IFITM10: variants seen among roughly 807,000 people sequenced by gnomAD.
IFITM10 encodes the protein interferon-induced transmembrane protein 10.
IFITM10 carries 17 observed loss-of-function variants against 19.0 expected under a neutral mutation model. The ratio of observed to expected loss-of-function variants is 0.90; its 90% confidence interval spans 0.61 to 1.34. IFITM10 has a LOEUF of 1.34. IFITM10 is among the 40% of genes most tolerant of loss of function. IFITM10 has a pLI of 0.00. For missense variants in IFITM10, 306 were observed against 319.8 expected (o/e 0.96, Z 0.33); for synonymous variants, 148 against 147.2 (o/e 1.01, Z -0.04).
At chr11:1,740,560 G>C (rs955369980) in intron 2 of IFITM10, among the ~76,000 whole-genome samples, 4 of 152,126 alleles carry the variant, frequency 2.6e-5, no homozygotes, top group Non-Finnish European at 1.5e-5. Flanking sequence ...GGGAGTTGTA[G>C]AAGGCTGCAA....
intron 1 of IFITM10, among the ~76,000 whole-genome samples, chr11:1,749,984 A>G (rs1845698854): frequency 6.6e-6 from 1 of 151,986 alleles, no homozygotes; most frequent in Non-Finnish European, 1.5e-5. Flanking sequence ...CGCAGGGCAA[A>G]GTGTCCCGTT....
rs1162598472 is a variant in IFITM10, at chr11:1,747,842, GCGCCGGCAGCC to G, written c.351_361del (p.Ala119ProfsTer66). 6.5e-7 allele frequency: 1 copy of G among 1,545,320 alleles called. No homozygotes were observed. Among genetic ancestry groups the G allele is most frequent in the Non-Finnish European group, 8.7e-7 (1 of 1,143,306 alleles). On this transcript the variant is annotated frameshift_variant, in exon 2 of 3. Transcript: ENST00000340134. LOFTEE classifies it high-confidence loss of function. ...GGCTAGGTGCTTGCAGGCAGGGGGC[GCGCCGGCAGCC>G]CGCACGCTGTCGGTCTTGCTGCTCT...
intron 2 of IFITM10, chr11:1,745,042 C>T (rs531036022): frequency 6.5e-6 from 1 of 152,824 alleles, no homozygotes; most frequent in African/African-American, 2.4e-5. Context: ...CCCAAAGCCT[C>T]TCTGCCCTGG....
chr11:1,739,321 G>A (rs1320837656), intron 2 of IFITM10, among the ~76,000 whole-genome samples: 1 of 152,162 alleles, frequency 6.6e-6, no homozygotes, highest in Non-Finnish European at 1.5e-5. Context: ...AAGATTGGTG[G>A]ATAAGAGAAA....
At chr11:1,740,049 C>G (rs1851129033) in intron 2 of IFITM10, among the ~76,000 whole-genome samples, 1 of 152,074 alleles carries the variant, frequency 6.6e-6, no homozygotes, top group South Asian at 2.1e-4. Context: ...CGCCTGTAAT[C>G]CCAGCACTTT....
intron 2 of IFITM10, among the ~76,000 whole-genome samples, chr11:1,740,514 T>A (rs1022268214): frequency 6.6e-6 from 1 of 151,972 alleles, no homozygotes; most frequent in Non-Finnish European, 1.5e-5. Flanking sequence ...GAACTTGACA[T>A]GATCTCAAGG....
chr11:1,737,859 TA>T (rs199609504), intron 2 of IFITM10, among the ~76,000 whole-genome samples: 1 of 152,210 alleles, frequency 6.6e-6, no homozygotes, highest in Non-Finnish European at 1.5e-5. Flanking sequence ...TCTGAATTCC[TA>T]AAAAAACTTT....
In IFITM10 at chr11:1,736,119, T is replaced by C. The variant is rs545699016; in HGVS notation, c.538-690A>G. Among the ~76,000 whole-genome samples, 6 of 152,274 alleles carry C rather than the reference T, an allele frequency of 3.9e-5. No individual in the cohort carries two copies. The East Asian group carries it at 1.2e-3, about 29-fold the overall frequency. On this transcript the variant is annotated intron_variant, in intron 2 of 2. Transcript: ENST00000340134. Reference sequence around the variant, plus strand: ...TTTCCTTCTATCACATCCACAAATATGTGCGTGTTTGCTGTAAGAAGAAAC... The same window carrying C: ...TTTCCTTCTATCACATCCACAAATACGTGCGTGTTTGCTGTAAGAAGAAAC...
intron 2 of IFITM10, among the ~76,000 whole-genome samples, chr11:1,742,813 G>A (rs141225352): frequency 1.3e-5 from 2 of 152,266 alleles, no homozygotes; most frequent in Admixed American, 6.5e-5. Flanking sequence ...GCTATTTGGA[G>A]GGGTTGAAGG....
At chr11:1,741,664 G>A (rs1212569395) in intron 2 of IFITM10, among the ~76,000 whole-genome samples, 2 of 152,148 alleles carry the variant, frequency 1.3e-5, no homozygotes, top group East Asian at 3.9e-4. Context: ...AGAGGAACTG[G>A]CTCTGGCTAT....
At chr11:1,747,206 G>A (rs1046508803) in intron 2 of IFITM10, among the ~76,000 whole-genome samples, 2 of 152,136 alleles carry the variant, frequency 1.3e-5, no homozygotes, top group African/African-American at 4.8e-5. Flanking sequence ...CTCCGGGTGA[G>A]GAGCTGGATA....
At chr11:1,741,555 G>C (rs562076722) in intron 2 of IFITM10, among the ~76,000 whole-genome samples, 2 of 152,246 alleles carry the variant, frequency 1.3e-5, no homozygotes, top group South Asian at 2.1e-4. Context: ...TTGAGGGCTA[G>C]GTGGCCAGGC....
At chr11:1,738,070 T>C (rs1851105521) in intron 2 of IFITM10, among the ~76,000 whole-genome samples, 1 of 150,698 alleles carries the variant, frequency 6.6e-6, no homozygotes. Context: ...ATCGGGAAGG[T>C]GGGTGGATGA....
In IFITM10 at chr11:1,738,314, C is replaced by T. The variant is rs181034324; in HGVS notation, c.538-2885G>A. On this transcript the variant is annotated intron_variant, in intron 2 of 2. Transcript: ENST00000340134. ...AAGGTAAAAGTTTCATACGCATTTTCGTATGATGTGTTTTTCACAAGCCTG... is the reference window on the plus strand; with the variant it reads ...AAGGTAAAAGTTTCATACGCATTTTTGTATGATGTGTTTTTCACAAGCCTG... Among the ~76,000 whole-genome samples the T allele has an allele frequency of 3.3e-3, 495 of 152,274 alleles. 2 individuals are homozygous for T. The highest frequency in any genetic ancestry group is 3.7e-3 in the Non-Finnish European group (255 of 68,024).
rs2133637614 is a variant in IFITM10, at chr11:1,733,618, C to CAGACG, written c.*1661_*1662insCGTCT. ...CTCCCTTCTGAGGCACCCCACGTCT[C>CAGACG]CAGCCCAGAAGGCTCTTCCCTTCTC... On this transcript the variant is annotated 3_prime_UTR_variant, in exon 3 of 3. Coordinates refer to ENST00000340134, the MANE Select transcript of IFITM10 (RefSeq NM_001170820.4). The surrounding 1 kb of genome is among the most constrained non-coding windows in gnomAD (Gnocchi z 6.3). 1 of 152,878 alleles carries CAGACG rather than the reference C, an allele frequency of 6.5e-6. No homozygotes were observed. Among genetic ancestry groups the CAGACG allele is most frequent in the East Asian group, 1.9e-4 (1 of 5,152 alleles). 9.5% of individuals were successfully genotyped at this position (152,878 alleles called of 1,614,324 possible).
In IFITM10 at chr11:1,749,232, A is replaced by T. The variant is rs566057422; in HGVS notation, c.85-1113T>A. On this transcript the variant is annotated intron_variant, in intron 1 of 2. Transcript: ENST00000340134. ...GACCGGCCGCGCGGCTGCAGCCCAG[A>T]GCCTGACTCACGGCGGCAGCGGGCA... 1.3e-3 allele frequency: 444 copies of T among 349,888 alleles called. 1 individual carries two copies. Among genetic ancestry groups the T allele is most frequent in the African/African-American group, 9.2e-3 (416 of 45,246 alleles). The allele number at this position is 349,888 out of a possible 1,614,324, so 21.7% of individuals were successfully genotyped here.
At chr11:1,736,454 A>G (rs1479814530) in intron 2 of IFITM10, among the ~76,000 whole-genome samples, 1 of 152,136 alleles carries the variant, frequency 6.6e-6, no homozygotes. Flanking sequence ...AATACTGGAA[A>G]GAACAAAGGG....
intron 2 of IFITM10, among the ~76,000 whole-genome samples, chr11:1,740,299 C>CAAAAA (rs58480346): frequency 3.7e-3 from 152 of 40,602 alleles, no homozygotes; most frequent in East Asian, 4.5e-3. Flanking sequence ...GACTCCATCT[C>CAAAAA]AAAAAAAAAA....
chr11:1,750,343 G>A lies in IFITM10; in HGVS notation c.84+16C>T. The stretch of plus-strand genomic sequence containing the variant: ...TTCACCACGCAGGTTCCCTGAGCTG[G>A]GTCCTCTTCACCAACCTCCAGCTCC... On this transcript the variant is annotated intron_variant, in intron 1 of 2. Coordinates refer to ENST00000340134, the MANE Select transcript of IFITM10 (RefSeq NM_001170820.4). The A allele has an allele frequency of 6.5e-7, 1 of 1,550,192 alleles. No individual in the cohort carries two copies. Among genetic ancestry groups the A allele is most frequent in the Non-Finnish European group, 8.7e-7 (1 of 1,146,956 alleles).
Sources: gnomAD v4.1 joint callset for allele counts (sites outside exome capture counted in the v4.1 genomes callset) on GRCh38, gnomAD v4.1.1 for gene constraint, Gnocchi (gnomAD v3.1) non-coding constraint, MANE v1.5 for transcripts, NCBI Gene and HGNC (gene_info 2026-07-23, HGNC 2026-07-21) for gene names.